FARP1: variants seen among roughly 807,000 people sequenced by gnomAD.
FARP1 encodes FERM, ARHGEF and pleckstrin domain-containing protein 1.
FARP1 carries 52 observed loss-of-function variants against 128.8 expected under a neutral mutation model. That is an observed-to-expected ratio of 0.40 (90% CI 0.32 to 0.51). The LOEUF (loss-of-function observed/expected upper bound fraction) is 0.51. Ranked by LOEUF, FARP1 falls within the 20% of genes least tolerant of loss-of-function variation. FARP1 has a pLI of 0.45. For missense variants in FARP1, 1,333 were observed against 1,367.9 expected (o/e 0.97, Z 0.40); for synonymous variants, 580 against 551.8 (o/e 1.05, Z -0.72).
At chr13:98,426,954 G>A (rs1891811551) in intron 17 of FARP1, among the ~76,000 whole-genome samples, 2 of 152,114 alleles carry the variant, frequency 1.3e-5, no homozygotes, top group South Asian at 4.2e-4. Flanking sequence ...CAGAGTTCTC[G>A]TATTCTTCCG....
At chr13:98,188,281 C>T (rs12429954) in intron 1 of FARP1, among the ~76,000 whole-genome samples, 7,822 of 152,122 alleles carry the variant, frequency 0.051, 253 homozygotes, top group African/African-American at 0.088. Flanking sequence ...AGGCCGGGTG[C>T]GGTGGCTCAC....
At chr13:98,393,783 G>T in intron 12 of FARP1, 65 bp downstream of exon 12, 1 of 1,237,538 alleles carries the variant, frequency 8.1e-7, no homozygotes, top group Non-Finnish European at 1.2e-6. Context: ...GGAGCCCTGG[G>T]CTTCAGAGCG....
At chr13:98,375,722 G>C (rs1275924608) in intron 5 of FARP1, among the ~76,000 whole-genome samples, 1 of 152,044 alleles carries the variant, frequency 6.6e-6, no homozygotes, top group African/African-American at 2.4e-5. Flanking sequence ...TCCACCTCCC[G>C]GATTCAAGTG....
At chr13:98,256,994 G>A (rs1347002388) in intron 2 of FARP1, among the ~76,000 whole-genome samples, 14 of 97,908 alleles carry the variant, frequency 1.4e-4, no homozygotes, top group Admixed American at 1.3e-3. Flanking sequence ...TATATATACC[G>A]AAAGATTTCC....
At chr13:98,175,755 A>G (rs1203201864) in intron 1 of FARP1, 1 of 178,642 alleles carries the variant, frequency 5.6e-6, no homozygotes, top group Non-Finnish European at 1.2e-5. Flanking sequence ...TAGATACCTT[A>G]TATTAGTGAA....
At chr13:98,411,867 T>C (rs1038052125) in intron 15 of FARP1, 34 bp from the exon 16 acceptor site, 1 of 1,607,420 alleles carries the variant, frequency 6.2e-7, no homozygotes, top group African/African-American at 1.3e-5. Flanking sequence ...CATTGATCTT[T>C]CCACCCGTAA....
At chr13:98,365,254 G>A (rs1477936238) in intron 3 of FARP1, 141 bp from the exon 4 acceptor site, 10 of 607,770 alleles carry the variant, frequency 1.6e-5, no homozygotes, top group South Asian at 1.5e-4. Context: ...CGTAAGATAC[G>A]GCATTCTGGA....
intron 9 of FARP1, 80 bp downstream of exon 9, chr13:98,388,558 C>T: frequency 9.2e-7 from 1 of 1,091,058 alleles, no homozygotes; most frequent in Non-Finnish European, 1.4e-6. Flanking sequence ...GTCTGCTTGG[C>T]AGGGCTTCTG....
intron 2 of FARP1, among the ~76,000 whole-genome samples, chr13:98,215,094 T>C (rs1880980771): frequency 1.3e-5 from 2 of 152,198 alleles, no homozygotes; most frequent in Admixed American, 1.3e-4. Flanking sequence ...TGTGCTCACC[T>C]GCAGTTCTTC....
At chr13:98,294,201 G>A (rs1885565144) in intron 2 of FARP1, among the ~76,000 whole-genome samples, 1 of 152,170 alleles carries the variant, frequency 6.6e-6, no homozygotes, top group African/African-American at 2.4e-5. Context: ...ACTGAGGCCT[G>A]TGGAAAGCAC....
At chr13:98,441,314 A>T (rs1306040077) in intron 24 of FARP1, among the ~76,000 whole-genome samples, 1 of 152,210 alleles carries the variant, frequency 6.6e-6, no homozygotes, top group Non-Finnish European at 1.5e-5. Context: ...CACTCCTGTG[A>T]CAAAAGACAG....
intron 1 of FARP1, among the ~76,000 whole-genome samples, chr13:98,158,785 G>A (rs960505958): frequency 3.4e-4 from 52 of 152,248 alleles, no homozygotes; most frequent in African/African-American, 1.2e-3. Context: ...AAAAAATGGC[G>A]TGCTTCACTG....
At chr13:98,341,113 G>A (rs138393466) in intron 2 of FARP1, 41 of 150,944 alleles carry the variant, frequency 2.7e-4, no homozygotes, top group African/African-American at 1.0e-3. Context: ...TTGCAGTGAG[G>A]GCGAATGTGG....
In FARP1 at chr13:98,450,330, G is replaced by GA. The variant is rs1893126840; in HGVS notation, c.*2016dup. Reference sequence around the variant, plus strand: ...ATACACAAGCTGTTTTTAAAGGAGGGAAATATAAAAAATGTTTATAAACTG... The same window carrying GA: ...ATACACAAGCTGTTTTTAAAGGAGGGAAAATATAAAAAATGTTTATAAACTG... On this transcript the variant is annotated 3_prime_UTR_variant, in exon 27 of 27. Coordinates refer to ENST00000319562, the MANE Select transcript of FARP1 (RefSeq NM_005766.4). 1 of 152,188 alleles carries GA rather than the reference G, an allele frequency of 6.6e-6. No individual in the cohort carries two copies. The highest frequency in any genetic ancestry group is 2.1e-4 in the South Asian group (1 of 4,830). 9.4% of individuals were successfully genotyped at this position (152,188 alleles called of 1,614,324 possible). A position where few individuals can be genotyped will look rare whatever the true frequency, so the allele number is the denominator to read the frequency against.
chr13:98,200,387 A>ACCCC lies in FARP1; in HGVS notation c.-23-12825_-23-12822dup, dbSNP rs34861204. 9.1e-3 allele frequency among the ~76,000 whole-genome samples: 1,156 copies of ACCCC among 127,562 alleles called. 1 individual carries two copies. Among genetic ancestry groups the ACCCC allele is most frequent in the Non-Finnish European group, 0.011 (698 of 61,700 alleles). 83.7% of individuals were successfully genotyped at this position (127,562 alleles called of 152,430 possible). Reference sequence around the variant, plus strand: ...CAGAATCACCTGGAATGCAACCTTCACCCCCCCCCCCTCCCCTTTGTGATT... The same window carrying ACCCC: ...CAGAATCACCTGGAATGCAACCTTCACCCCCCCCCCCCCCCTCCCCTTTGTGATT... On this transcript the variant is annotated intron_variant, in intron 1 of 26. Coordinates refer to ENST00000319562, the MANE Select transcript of FARP1 (RefSeq NM_005766.4).
chr13:98,271,015 T>C (rs953226149), intron 2 of FARP1, among the ~76,000 whole-genome samples: 1 of 152,226 alleles, frequency 6.6e-6, no homozygotes, highest in African/African-American at 2.4e-5. Flanking sequence ...ATTGCAGTTG[T>C]GTGAGCTCTC....
intron 8 of FARP1, among the ~76,000 whole-genome samples, chr13:98,387,795 G>A (rs1266498122): frequency 6.6e-6 from 1 of 152,218 alleles, no homozygotes; most frequent in African/African-American, 2.4e-5. Context: ...AAGCTTGATG[G>A]GCCCAGGAGC....
At chr13:98,153,417 A>G (rs1303236635) in intron 1 of FARP1, among the ~76,000 whole-genome samples, 2 of 36,272 alleles carry the variant, frequency 5.5e-5, no homozygotes, top group Non-Finnish European at 2.8e-4. Flanking sequence ...AATATGTATA[A>G]TATGTAACAC....
chr13:98,432,995 C>G (rs1169919752), intron 18 of FARP1: 1 of 152,146 alleles, frequency 6.6e-6, no homozygotes, highest in Non-Finnish European at 1.5e-5. Context: ...AAGTTCAGAA[C>G]TAACATGTAA....
Sources: allele counts gnomAD v4.1 joint callset (sites outside exome capture counted in the v4.1 genomes callset), GRCh38; gene constraint gnomAD v4.1.1; transcripts MANE v1.5; gene names NCBI Gene and HGNC (gene_info 2026-07-23, HGNC 2026-07-21).